The following SPECC1 variants were observed in gnomAD, a reference collection of about 807,000 sequenced individuals.
SPECC1 encodes sperm antigen with calponin homology and coiled-coil domains 1.
In SPECC1, 62 loss-of-function variants were observed where a neutral mutation model predicts 104.1. The observed-to-expected ratio is 0.60, with a 90% CI of 0.49 to 0.74. The LOEUF is 0.74. Ranked by LOEUF, SPECC1 falls within the 30% of genes least tolerant of loss-of-function variation. SPECC1 has a pLI of 0.00. For synonymous variants in SPECC1, 513 were observed against 501.6 expected, an observed-to-expected ratio of 1.02 and a Z score of -0.30; for missense variants, 1,306 against 1,310.5, an observed-to-expected ratio of 1.00 and a Z score of 0.05.
At chr17:20,223,332 G>A (rs1320906249) in intron 4 of SPECC1, among the ~76,000 whole-genome samples, 2 of 152,052 alleles carry the variant, frequency 1.3e-5, no homozygotes, top group Admixed American at 6.6e-5. Context: ...GCATTCTTCA[G>A]TATGTCATAA....
intron 3 of SPECC1, among the ~76,000 whole-genome samples, chr17:20,124,704 A>G (rs1429941545): frequency 6.6e-6 from 1 of 152,200 alleles, no homozygotes; most frequent in East Asian, 1.9e-4. Flanking sequence ...CATTTAATGC[A>G]CTTAACCTTC....
chr17:20,082,956 G>T (rs1208021568), intron 1 of SPECC1, among the ~76,000 whole-genome samples: 1 of 141,206 alleles, frequency 7.1e-6, no homozygotes, highest in East Asian at 2.0e-4. Flanking sequence ...GTGTCCTTTG[G>T]TGTTCGTTCG....
At chr17:20,045,628 GGT>G (rs1452459766) in intron 1 of SPECC1, among the ~76,000 whole-genome samples, 1 of 152,126 alleles carries the variant, frequency 6.6e-6, no homozygotes, top group Non-Finnish European at 1.5e-5. Context: ...CCTTTGAGAT[GGT>G]GTGACCCTTC....
intron 1 of SPECC1, among the ~76,000 whole-genome samples, chr17:20,082,609 G>GTA (rs35459277): frequency 0.032 from 4,780 of 150,368 alleles, 235 homozygotes; most frequent in African/African-American, 0.11. Context: ...CTATATGTGT[G>GTA]TATATATATA....
Position 20,232,415 on chromosome 17 carries a change from G to A in SPECC1, c.2351+10G>A. ...GCAGAGCCGCCCCTCCGTGAGTCTG[G>A]TGGGCACCAGGGCCGTGCTTGCTTC... On this transcript the variant is annotated intron_variant, in intron 7 of 14. Coordinates refer to ENST00000395527, the MANE Select transcript of SPECC1 (RefSeq NM_001243439.2). 1.3e-6 allele frequency: 2 copies of A among 1,598,610 alleles called. No homozygotes were observed. The highest frequency in any genetic ancestry group is 1.7e-6 in the Non-Finnish European group (2 of 1,172,514).
intron 1 of SPECC1, among the ~76,000 whole-genome samples, chr17:20,048,752 C>A (rs1362490087): frequency 6.6e-6 from 1 of 151,784 alleles, no homozygotes; most frequent in African/African-American, 2.4e-5. Context: ...CAAAAATTAG[C>A]ATGATGGCAC....
At chr17:20,033,012 T>C (rs55635616) in intron 1 of SPECC1, among the ~76,000 whole-genome samples, 8,238 of 151,718 alleles carry the variant, frequency 0.054, 294 homozygotes, top group Non-Finnish European at 0.08. Flanking sequence ...TTGCCCAGGC[T>C]GGAGTTCAGT....
chr17:20,232,296 A>T lies in SPECC1; in HGVS notation c.2242A>T (p.Thr748Ser). 6.2e-7 allele frequency: 1 copy of T among 1,614,146 alleles called. No individual in the cohort carries two copies. Among genetic ancestry groups the T allele is most frequent in the African/African-American group, 1.3e-5 (1 of 75,040 alleles). The part of the protein sequence containing the change: ...IKCEAQQELR[T>S]VKRKLLEEEE... ...GTGTGAGGCCCAGCAGGAGCTGCGC[A>T]CCGTGAAGAGGAAACTGCTGGAGGA... is the stretch of plus-strand genomic sequence containing the variant. The change falls in exon 7 of 15, where the codon ACC becomes TCC. Residue 748 changes from threonine to serine, a missense_variant. Thr to Ser is a moderately conservative substitution (Grantham distance 58). Transcript: ENST00000395527.
intron 12 of SPECC1, among the ~76,000 whole-genome samples, chr17:20,284,729 A>G (rs1221279961): frequency 6.6e-6 from 1 of 152,212 alleles, no homozygotes; most frequent in African/African-American, 2.4e-5. Context: ...TAAACTTTCC[A>G]AAAACTAAAA....
At chr17:20,283,670 T>C (rs1307863099) in intron 12 of SPECC1, among the ~76,000 whole-genome samples, 1 of 152,108 alleles carries the variant, frequency 6.6e-6, no homozygotes, top group Admixed American at 6.6e-5. Context: ...CACCTCAACC[T>C]CTGCCTCCTG....
intron 3 of SPECC1, among the ~76,000 whole-genome samples, chr17:20,183,321 T>G (rs2035037724): frequency 6.6e-6 from 1 of 152,212 alleles, no homozygotes; most frequent in South Asian, 2.1e-4. Flanking sequence ...ATTTTGAGAT[T>G]GAAAATATGT....
At chr17:20,133,159 C>T (rs1253056163) in intron 3 of SPECC1, among the ~76,000 whole-genome samples, 1 of 151,916 alleles carries the variant, frequency 6.6e-6, no homozygotes, top group Non-Finnish European at 1.5e-5. Flanking sequence ...CTTTTTTTGT[C>T]AGAAGTTTGT....
intron 3 of SPECC1, among the ~76,000 whole-genome samples, chr17:20,180,453 T>C (rs1313402319): frequency 1.3e-5 from 2 of 152,280 alleles, no homozygotes; most frequent in South Asian, 2.1e-4. Context: ...AGCAGCAAAA[T>C]GCATAGAACA....
chr17:20,270,433 C>CA (rs71157863), intron 12 of SPECC1, among the ~76,000 whole-genome samples: 1,331 of 43,578 alleles, frequency 0.031, 218 homozygotes, highest in Middle Eastern at 0.11. Flanking sequence ...CTGTCTTTAC[C>CA]AAAAAAAAAA....
intron 5 of SPECC1, among the ~76,000 whole-genome samples, chr17:20,230,865 A>G (rs943229159): frequency 6.6e-6 from 1 of 152,172 alleles, no homozygotes; most frequent in African/African-American, 2.4e-5. Flanking sequence ...AGTGTTTTCT[A>G]CTGTGCAGCA....
chr17:20,156,140 C>G (rs1426103800), intron 3 of SPECC1: 7 of 1,413,238 alleles, frequency 5.0e-6, no homozygotes, highest in Non-Finnish European at 6.5e-6. Flanking sequence ...GCGAGCTCGG[C>G]ACGGTGGACA....
chr17:20,103,700 A>G (rs912844452), intron 2 of SPECC1, among the ~76,000 whole-genome samples: 4 of 152,066 alleles, frequency 2.6e-5, no homozygotes, highest in African/African-American at 9.7e-5. Flanking sequence ...CCCTAGGAGC[A>G]TGGCATCCCA....
chr17:20,088,842 G>A (rs909760293), intron 1 of SPECC1, among the ~76,000 whole-genome samples: 1 of 152,202 alleles, frequency 6.6e-6, no homozygotes, highest in African/African-American at 2.4e-5. Flanking sequence ...TGGGAAGTCG[G>A]CCATGAGGGC....
chr17:20,075,955 AAAAATT>A (rs1348615562), intron 1 of SPECC1, among the ~76,000 whole-genome samples: 10 of 152,144 alleles, frequency 6.6e-5, no homozygotes, highest in African/African-American at 1.7e-4. Context: ...TCAAAAAACT[AAAAATT>A]AAAATAAGTA....
Sources: gnomAD v4.1 joint callset for allele counts (sites outside exome capture counted in the v4.1 genomes callset) on GRCh38, gnomAD v4.1.1 for gene constraint, MANE v1.5 for transcripts, NCBI Gene and HGNC (gene_info 2026-07-23, HGNC 2026-07-21) for gene names.